MATCAP2: variants seen among roughly 807,000 people sequenced by gnomAD.
MATCAP2 encodes microtubule associated tyrosine carboxypeptidase 2.
the MATCAP2 span, chr7:36,324,511 A>AAATT: frequency 6.6e-6 from 1 of 152,186 alleles, no homozygotes; most frequent in African/African-American, 2.4e-5. Flanking sequence ...ATTATAATTA[A>AAATT]AATTAATACA....
the MATCAP2 span, among the ~76,000 whole-genome samples, chr7:36,333,358 G>C: frequency 2.6e-5 from 4 of 152,190 alleles, no homozygotes; most frequent in Non-Finnish European, 4.4e-5. Flanking sequence ...TAGAGCTGGA[G>C]AGAGGGGAGG....
chr7:36,341,338 A>G, the MATCAP2 span, among the ~76,000 whole-genome samples: 1 of 152,238 alleles, frequency 6.6e-6, no homozygotes, highest in Non-Finnish European at 1.5e-5. Flanking sequence ...GGGTAAGAAG[A>G]AAAAAGAGAT....
chr7:36,347,545 C>G, the MATCAP2 span, among the ~76,000 whole-genome samples: 1 of 152,200 alleles, frequency 6.6e-6, no homozygotes, highest in Non-Finnish European at 1.5e-5. Flanking sequence ...TTGTACCTTT[C>G]TCAGGTTTAG....
At chr7:36,373,103 TA>T in the MATCAP2 span, among the ~76,000 whole-genome samples, 89,525 of 116,132 alleles carry the variant, frequency 0.77, 33,901 homozygotes, top group Middle Eastern at 0.82. Context: ...AGACTTCATC[TA>T]AAAAAAAAAA....
chr7:36,375,513 G>A, the MATCAP2 span, among the ~76,000 whole-genome samples: 6 of 152,068 alleles, frequency 3.9e-5, no homozygotes, highest in Non-Finnish European at 7.4e-5. Flanking sequence ...GAGGATTTTC[G>A]CATCAATGTC....
At chr7:36,324,435 A>G in the MATCAP2 span, 3 of 152,196 alleles carry the variant, frequency 2.0e-5, no homozygotes, top group Admixed American at 6.5e-5. Flanking sequence ...TGACACAACT[A>G]TTTTTAAAAT....
chr7:36,324,977 T>G, the MATCAP2 span: 2 of 152,376 alleles, frequency 1.3e-5, no homozygotes, highest in South Asian at 2.1e-4. Flanking sequence ...CCTGTGAAAG[T>G]TGAATTTATA....
the MATCAP2 span, among the ~76,000 whole-genome samples, chr7:36,370,700 C>T: frequency 3.3e-5 from 5 of 152,234 alleles, no homozygotes; most frequent in Non-Finnish European, 7.4e-5. Context: ...AGGCTGGTCT[C>T]GAACTCCTGA....
the MATCAP2 span, among the ~76,000 whole-genome samples, chr7:36,369,411 C>G: frequency 5.3e-5 from 8 of 152,140 alleles, no homozygotes; most frequent in Non-Finnish European, 8.8e-5. Flanking sequence ...CTTATATACC[C>G]AGAATTCTGA....
the MATCAP2 span, among the ~76,000 whole-genome samples, chr7:36,349,351 T>C: frequency 6.6e-6 from 1 of 152,214 alleles, no homozygotes; most frequent in Non-Finnish European, 1.5e-5. Flanking sequence ...TATTTCAAAA[T>C]ATTATAGAAT....
the MATCAP2 span, among the ~76,000 whole-genome samples, chr7:36,385,802 TA>T: frequency 7.5e-6 from 1 of 133,576 alleles, no homozygotes; most frequent in Non-Finnish European, 1.6e-5. Flanking sequence ...TAAAATAAAA[TA>T]AAATAAAATA....
At chr7:36,389,873 T>A in the MATCAP2 span, 1 of 1,380,354 alleles carries the variant, frequency 7.2e-7, no homozygotes, top group Non-Finnish European at 1.0e-6. Context: ...AGTCCGTCAC[T>A]GGAAGCCGAG....
At chr7:36,343,671 AAAGGAAGGAAGGAAAG>A in the MATCAP2 span, among the ~76,000 whole-genome samples, 8 of 150,200 alleles carry the variant, frequency 5.3e-5, no homozygotes, top group African/African-American at 9.8e-5. Flanking sequence ...GAAAGAAAGT[AAAGGAAGGAAGGAAAG>A]AAGGAAGGAA....
chr7:36,339,410 AC>A, the MATCAP2 span, among the ~76,000 whole-genome samples: 1 of 152,262 alleles, frequency 6.6e-6, no homozygotes, highest in Non-Finnish European at 1.5e-5. Context: ...GGCCAGCAGC[AC>A]TGGCGTGGCA....
At chr7:36,366,769 G>A in the MATCAP2 span, 1 of 1,534,692 alleles carries the variant, frequency 6.5e-7, no homozygotes, top group Non-Finnish European at 8.7e-7. Flanking sequence ...TTTCGCGAGC[G>A]CCTCCTGCGC....
At chr7:36,379,253 G>A in the MATCAP2 span, among the ~76,000 whole-genome samples, 1 of 152,186 alleles carries the variant, frequency 6.6e-6, no homozygotes, top group Non-Finnish European at 1.5e-5. Flanking sequence ...CTACCTGGAT[G>A]GAATTTTTAA....
At chr7:36,350,102 T>G in the MATCAP2 span, among the ~76,000 whole-genome samples, 1 of 152,218 alleles carries the variant, frequency 6.6e-6, no homozygotes, top group Non-Finnish European at 1.5e-5. Flanking sequence ...TTCATTGTTT[T>G]GACAACCTGA....
chr7:36,377,080 G>A, the MATCAP2 span, among the ~76,000 whole-genome samples: 1 of 152,012 alleles, frequency 6.6e-6, no homozygotes, highest in Non-Finnish European at 1.5e-5. Flanking sequence ...TCTTTTAATT[G>A]GGGCATTTAG....
chr7:36,333,707 G>A, the MATCAP2 span: 2 of 606,226 alleles, frequency 3.3e-6, no homozygotes, highest in Non-Finnish European at 5.5e-6. Flanking sequence ...CTAAGAAAAT[G>A]TGGTTTGGGA....
Sources: gnomAD v4.1 joint callset for allele counts (sites outside exome capture counted in the v4.1 genomes callset) on GRCh38, gnomAD v4.1.1 for gene constraint, MANE v1.5 for transcripts, NCBI Gene and HGNC (gene_info 2026-07-23, HGNC 2026-07-21) for gene names.